The following ACTR3C variants were observed in gnomAD, a reference collection of about 807,000 sequenced individuals.
ACTR3C encodes actin related protein 3C, also known as actin-related protein 3C.
In ACTR3C, 18 loss-of-function variants were observed where a neutral mutation model predicts 26.3. The ratio of observed to expected loss-of-function variants is 0.68; its 90% confidence interval spans 0.47 to 1.01. ACTR3C has a LOEUF of 1.01. Among genes scored for constraint, ACTR3C ranks in the 50% least tolerant of loss-of-function variants. The probability of loss-of-function intolerance (pLI) is 0.00; values close to 1 mark genes in which losing one functional copy is unlikely to be tolerated. For synonymous variants in ACTR3C, 55 were observed against 94.5 expected (o/e 0.58, Z 2.42); for missense variants, 184 against 250.7 (o/e 0.73, Z 1.80).
chr7:150,279,914 G>A (rs568301800), intron 6 of ACTR3C, among the ~76,000 whole-genome samples: 67 of 152,156 alleles, frequency 4.4e-4, no homozygotes, highest in Non-Finnish European at 7.9e-4. Flanking sequence ...GAATCATCTC[G>A]TACATACTTA....
chr7:150,226,333 C>T, the ACTR3C span, among the ~76,000 whole-genome samples: 1 of 152,184 alleles, frequency 6.6e-6, no homozygotes, highest in Non-Finnish European at 1.5e-5. Flanking sequence ...GTGATTGCTC[C>T]TATTGCTCTG....
chr7:150,003,377 A>C, the ACTR3C span, among the ~76,000 whole-genome samples: 52 of 117,360 alleles, frequency 4.4e-4, no homozygotes, highest in Non-Finnish European at 1.3e-4. Flanking sequence ...TGTGTGTGTG[A>C]TGTTTGTGGT....
chr7:149,998,100 A>AC, the ACTR3C span, among the ~76,000 whole-genome samples: 5 of 150,784 alleles, frequency 3.3e-5, no homozygotes, highest in African/African-American at 1.2e-4. Flanking sequence ...ATGCAGGCAA[A>AC]CTATAGACAT....
chr7:150,112,592 C>CAGCTTCTTGTCACCCTCAGT, the ACTR3C span, among the ~76,000 whole-genome samples: 1 of 152,182 alleles, frequency 6.6e-6, no homozygotes, highest in East Asian at 1.9e-4. Flanking sequence ...CAAAAGGCGC[C>CAGCTTCTTGTCACCCTCAGT]AGCTTCTTGT....
the ACTR3C span, among the ~76,000 whole-genome samples, chr7:150,210,813 G>A: frequency 3.4e-5 from 5 of 147,254 alleles, no homozygotes; most frequent in South Asian, 2.1e-4. Flanking sequence ...TGCCTTGACC[G>A]TGGCGTTTTC....
intron 1 of ACTR3C, among the ~76,000 whole-genome samples, chr7:150,298,368 T>TA (rs1347045226): frequency 2.7e-5 from 4 of 150,166 alleles, no homozygotes; most frequent in African/African-American, 5.0e-5. Flanking sequence ...CATAACATTT[T>TA]AAAAAAATAG....
the ACTR3C span, among the ~76,000 whole-genome samples, chr7:150,229,290 G>A: frequency 1.3e-5 from 2 of 152,004 alleles, no homozygotes; most frequent in Non-Finnish European, 2.9e-5. Flanking sequence ...TCCAGTGTCT[G>A]GCCATTAGCT....
the ACTR3C span, among the ~76,000 whole-genome samples, chr7:150,195,390 C>T: frequency 6.6e-6 from 1 of 150,402 alleles, no homozygotes; most frequent in Non-Finnish European, 1.5e-5. Context: ...TTTCTGGTAC[C>T]ATATTCCTTC....
At chr7:150,085,581 T>G in the ACTR3C span, among the ~76,000 whole-genome samples, 1 of 152,240 alleles carries the variant, frequency 6.6e-6, no homozygotes, top group Non-Finnish European at 1.5e-5. Flanking sequence ...ATTCAGGCAC[T>G]TCTTACTTTC....
chr7:150,135,669 ACT>A, the ACTR3C span, among the ~76,000 whole-genome samples: 1 of 152,122 alleles, frequency 6.6e-6, no homozygotes, highest in Middle Eastern at 3.2e-3. Flanking sequence ...CACCAAGGAA[ACT>A]CTGGCTGACA....
At chr7:150,127,252 C>T in the ACTR3C span, among the ~76,000 whole-genome samples, 27,361 of 146,028 alleles carry the variant, frequency 0.19, 2,704 homozygotes, top group Non-Finnish European at 0.23. Flanking sequence ...CCCCTATTGC[C>T]TGACCCAGGA....
At chr7:149,935,987 AGTATGGAAACTTCTTGCTGTC>A in the ACTR3C span, among the ~76,000 whole-genome samples, 2,904 of 152,224 alleles carry the variant, frequency 0.019, 71 homozygotes, top group African/African-American at 0.061. Context: ...CACCCCCAAA[AGTATGGAAACTTCTTGCTGTC>A]AGCGGTTTTG....
At chr7:150,049,109 T>G in the ACTR3C span, among the ~76,000 whole-genome samples, 1 of 151,498 alleles carries the variant, frequency 6.6e-6, no homozygotes, top group Non-Finnish European at 1.5e-5. Context: ...CGGGCTTGCC[T>G]CCTGCCCAGC....
the ACTR3C span, among the ~76,000 whole-genome samples, chr7:150,199,367 C>T: frequency 3.4e-5 from 4 of 117,856 alleles, no homozygotes; most frequent in East Asian, 2.3e-4. Context: ...GGATTAAGGG[C>T]GGTGCAAGAT....
the ACTR3C span, among the ~76,000 whole-genome samples, chr7:150,139,910 G>T: frequency 6.6e-6 from 1 of 152,266 alleles, no homozygotes; most frequent in East Asian, 1.9e-4. Flanking sequence ...CACAGCAGGG[G>T]AGCAATCAAC....
chr7:149,911,543 A>G, the ACTR3C span, among the ~76,000 whole-genome samples: 2 of 152,086 alleles, frequency 1.3e-5, no homozygotes, highest in Non-Finnish European at 1.5e-5. Flanking sequence ...GGAAGGACCA[A>G]TATTTGCAAG....
At chr7:150,158,202 G>A in the ACTR3C span, among the ~76,000 whole-genome samples, 1 of 152,140 alleles carries the variant, frequency 6.6e-6, no homozygotes, top group Non-Finnish European at 1.5e-5. Context: ...GAGTGTTGGT[G>A]AGGACGTGAA....
chr7:150,276,067 G>T lies in ACTR3C; in HGVS notation c.564+8686C>A, dbSNP rs1290439015. Among the ~76,000 whole-genome samples, 13 of 152,152 alleles carry T rather than the reference G, an allele frequency of 8.5e-5. 1 individual carries two copies. The South Asian group carries it at 1.9e-3, about 22-fold the overall frequency. ...TTAAACCACCTCTGCAGATGGAAAG[G>T]CCCTGTCTTTATGCTGGTAAAAGAA... On this transcript the variant is annotated intron_variant, in intron 6 of 7. Coordinates refer to ENST00000683684, the MANE Select transcript of ACTR3C (RefSeq NM_001164458.2).
At chr7:150,065,242 G>A in the ACTR3C span, among the ~76,000 whole-genome samples, 1 of 152,176 alleles carries the variant, frequency 6.6e-6, no homozygotes, top group African/African-American at 2.4e-5. Flanking sequence ...GGGAGACATC[G>A]CATCATGTTT....
Sources: gnomAD v4.1 joint callset for allele counts (sites outside exome capture counted in the v4.1 genomes callset) on GRCh38, gnomAD v4.1.1 for gene constraint, MANE v1.5 for transcripts, NCBI Gene and HGNC (gene_info 2026-07-23, HGNC 2026-07-21) for gene names.